The following IFIH1 variants were observed in gnomAD, a reference collection of about 807,000 sequenced individuals.
IFIH1 encodes the protein interferon-induced helicase C domain-containing protein 1.
In IFIH1, 125 loss-of-function variants were observed where a neutral mutation model predicts 107.4. The observed-to-expected ratio is 1.16, with a 90% CI of 1.01 to 1.35. IFIH1 has a LOEUF of 1.35. IFIH1 is among the 40% of genes most tolerant of loss of function. The pLI is 0.00. For missense variants in IFIH1, 1,333 were observed against 1,213.7 expected (o/e 1.10, Z -1.46); for synonymous variants, 458 against 413.2 (o/e 1.11, Z -1.31).
chr2:162,276,687 C>T lies in IFIH1; in HGVS notation c.2304G>A (p.Gln768=), dbSNP rs1441869349. Residue 768 remains glutamine (Q), a splice_region_variant and synonymous_variant, in exon 11 of 16, where the codon CAG becomes CAA. Coordinates refer to ENST00000649979, the MANE Select transcript of IFIH1 (RefSeq NM_022168.4). ...AAGTCGTCCAAAAGGATATTTATACCTGTGTCATGGGTTTGAACTCACTGC... is the reference window on the plus strand; with the variant it reads ...AAGTCGTCCAAAAGGATATTTATACTTGTGTCATGGGTTTGAACTCACTGC... The part of the protein sequence containing the change: ...GHSSEFKPMT[Q]NEQKEVISKF... The T allele has an allele frequency of 1.9e-6, 3 of 1,605,428 alleles. No individual in the cohort carries two copies. The highest frequency in any genetic ancestry group is 1.7e-5 in the Admixed American group (1 of 57,938).
intron 1 of IFIH1, among the ~76,000 whole-genome samples, chr2:162,314,261 A>T (rs995249271): frequency 1.3e-5 from 2 of 152,084 alleles, no homozygotes; most frequent in Non-Finnish European, 1.5e-5. Context: ...TTGCTTTATT[A>T]TAATGATTGA....
intron 13 of IFIH1, among the ~76,000 whole-genome samples, chr2:162,271,816 G>A (rs967777751): frequency 6.6e-6 from 1 of 152,090 alleles, no homozygotes; most frequent in African/African-American, 2.4e-5. Flanking sequence ...TATGTGTTTT[G>A]TTTCCTCTGT....
At chr2:162,267,670 T>C in intron 14 of IFIH1, 101 bp from the exon 15 acceptor site, 1 of 840,006 alleles carries the variant, frequency 1.2e-6, no homozygotes, top group Non-Finnish European at 2.0e-6. Flanking sequence ...ATGCCTGCGG[T>C]ATTCTACACG....
intron 3 of IFIH1, among the ~76,000 whole-genome samples, chr2:162,297,917 G>C (rs1329311216): frequency 2.6e-5 from 4 of 152,036 alleles, no homozygotes; most frequent in Non-Finnish European, 4.4e-5. Context: ...ATCACATCTT[G>C]AGTATTTTGC....
At chr2:162,315,803 C>T (rs1032868035) in intron 1 of IFIH1, among the ~76,000 whole-genome samples, 6 of 152,198 alleles carry the variant, frequency 3.9e-5, no homozygotes, top group Non-Finnish European at 8.8e-5. Flanking sequence ...CTTAATGCTT[C>T]CGTCTCATTG....
chr2:162,308,504 A>G (rs1683329159), intron 2 of IFIH1, among the ~76,000 whole-genome samples: 1 of 151,134 alleles, frequency 6.6e-6, no homozygotes, highest in Non-Finnish European at 1.5e-5. Flanking sequence ...TCAGCCTTCC[A>G]AGTAGCTGGG....
intron 1 of IFIH1, among the ~76,000 whole-genome samples, chr2:162,314,403 CTTTCTTTCTTTCTT>C (rs1683438978): frequency 1.7e-4 from 11 of 64,820 alleles, no homozygotes; most frequent in African/African-American, 9.5e-4. Context: ...TCCCTCCTTT[CTTTCTTTCTTTCTT>C]TTCTTTCTTT....
Position 162,318,487 on chromosome 2 carries a change from C to G in IFIH1, c.-180G>C. ...TCAGGCCGGCGCGCGGGGCTGCACT[C>G]GCACCTGGGCAGGTGGGCAGGCGGG... On this transcript the variant is annotated 5_prime_UTR_variant, in exon 1 of 16. Transcript: ENST00000649979. 2.8e-5 allele frequency: 13 copies of G among 466,442 alleles called. No homozygotes were observed. The South Asian group carries it at 5.2e-4, about 19-fold the overall frequency. The allele number at this position is 466,442 out of a possible 1,614,324, so 28.9% of individuals were successfully genotyped here.
intron 5 of IFIH1, among the ~76,000 whole-genome samples, chr2:162,286,320 T>C (rs1474944838): frequency 1.1e-4 from 17 of 151,908 alleles, no homozygotes; most frequent in Admixed American, 1.1e-3. Flanking sequence ...TAACCGGTGA[T>C]TGTGGGATTC....
At chr2:162,288,097 T>C (rs755245231) in intron 5 of IFIH1, 38 bp downstream of exon 5, 2 of 1,353,082 alleles carry the variant, frequency 1.5e-6, no homozygotes, top group South Asian at 1.2e-5. Flanking sequence ...AATAATACAA[T>C]GAAAATGATC....
rs745461322 is a variant in IFIH1, at chr2:162,317,858, G to A, written c.450C>T (p.Asn150=). 6.4e-7 allele frequency: 1 copy of A among 1,570,850 alleles called. No homozygotes were observed. The highest frequency in any genetic ancestry group is 8.6e-7 in the Non-Finnish European group (1 of 1,159,744). ...EEELLTIEDR[N]RIAAAENNGN... ...CTCCATCTGAACAGACACCTACCCG[G>A]TTTCTGTCTTCAATTGTCAACAGTT... Residue 150 remains asparagine, a synonymous_variant, in exon 1 of 16, where the codon AAC becomes AAT. Coordinates refer to ENST00000649979, the MANE Select transcript of IFIH1 (RefSeq NM_022168.4).
chr2:162,287,341 G>T (rs1048695201), intron 5 of IFIH1, among the ~76,000 whole-genome samples: 8 of 151,770 alleles, frequency 5.3e-5, no homozygotes, highest in African/African-American at 1.9e-4. Flanking sequence ...TCAAGGAAAA[G>T]TATGCTCATT....
chr2:162,298,913 G>A (rs1362670122), intron 3 of IFIH1, among the ~76,000 whole-genome samples: 1 of 151,920 alleles, frequency 6.6e-6, no homozygotes, highest in Admixed American at 6.6e-5. Flanking sequence ...TTCTCTCCTG[G>A]ATCCAAGCTT....
At chr2:162,300,880 T>C (rs1051811954) in intron 3 of IFIH1, among the ~76,000 whole-genome samples, 1 of 152,196 alleles carries the variant, frequency 6.6e-6, no homozygotes, top group African/African-American at 2.4e-5. Flanking sequence ...AACATTATTC[T>C]GGTCCTCAAG....
intron 1 of IFIH1, among the ~76,000 whole-genome samples, chr2:162,314,394 CCCTCCTTTCTTTCTTTCTTTCTTTT>C (rs1683436175): frequency 2.2e-5 from 1 of 46,322 alleles, no homozygotes; most frequent in Non-Finnish European, 3.8e-5. Context: ...CTCCCTCCCT[CCCTCCTTTCTTTCTTTCTTTCTTTT>C]CTTTCTTTCT....
chr2:162,277,723 T>A (rs771474528), intron 9 of IFIH1, 30 bp from the exon 10 acceptor site: 1 of 1,578,852 alleles, frequency 6.3e-7, no homozygotes, highest in Admixed American at 1.8e-5. Context: ...GTAAGTGAAA[T>A]AATAAGCATA....
Position 162,318,457 on chromosome 2 carries a change from G to A in IFIH1, c.-150C>T. 3 of 678,092 alleles carry A rather than the reference G, an allele frequency of 4.4e-6. No homozygotes were observed. Among genetic ancestry groups the A allele is most frequent in the Non-Finnish European group, 7.4e-6 (3 of 407,296 alleles). The allele number at this position is 678,092 out of a possible 1,614,324, so 42.0% of individuals were successfully genotyped here. A position where few individuals can be genotyped will look rare whatever the true frequency, so the allele number is the denominator to read the frequency against. ...CTGACAATGACGAGGTTGTCCACAG[G>A]GCTCTCAGGCCGGCGCGCGGGGCTG... is the stretch of plus-strand genomic sequence containing the variant. On this transcript the variant is annotated 5_prime_UTR_variant, in exon 1 of 16. Coordinates refer to ENST00000649979, the MANE Select transcript of IFIH1 (RefSeq NM_022168.4).
intron 2 of IFIH1, 54 bp from the exon 3 acceptor site, chr2:162,306,909 A>C (rs1558875094): frequency 7.4e-6 from 11 of 1,492,416 alleles, no homozygotes; most frequent in Non-Finnish European, 2.8e-6. Context: ...GTTTTTGTAG[A>C]GCATACATAA....
chr2:162,289,665 A>G (rs1402760164), intron 4 of IFIH1, among the ~76,000 whole-genome samples: 2 of 151,930 alleles, frequency 1.3e-5, no homozygotes, highest in Admixed American at 1.3e-4. Context: ...TGATAGTACT[A>G]TCTGAACAGG....
Sources: allele counts gnomAD v4.1 joint callset (sites outside exome capture counted in the v4.1 genomes callset), GRCh38; gene constraint gnomAD v4.1.1; transcripts MANE v1.5; gene names NCBI Gene and HGNC (gene_info 2026-07-23, HGNC 2026-07-21).